The following THOC5 variants were observed in gnomAD, a reference collection of about 807,000 sequenced individuals.
THOC5 encodes Fms-interacting protein.
Under a neutral mutation model 92.9 loss-of-function variants are expected in THOC5, and 43 were observed. That is an observed-to-expected ratio of 0.46 (90% CI 0.36 to 0.60). The LOEUF is 0.60. Among genes scored for constraint, THOC5 ranks in the 20% least tolerant of loss-of-function variants. The probability of loss-of-function intolerance (pLI) is 0.00; values close to 1 mark genes in which losing one functional copy is unlikely to be tolerated. For synonymous variants in THOC5, 296 were observed against 320.1 expected, an observed-to-expected ratio of 0.92 and a Z score of 0.80; for missense variants, 659 against 849.4, an observed-to-expected ratio of 0.78 and a Z score of 2.79.
chr22:29,552,050 G>A (rs1170118254), intron 1 of THOC5, among the ~76,000 whole-genome samples: 1 of 152,190 alleles, frequency 6.6e-6, no homozygotes, highest in Non-Finnish European at 1.5e-5. Context: ...GCCTCCCGAG[G>A]TGCCAGGATT....
At chr22:29,539,577 G>A (rs763178498) in intron 5 of THOC5, 101 bp from the exon 6 acceptor site, 12 of 1,273,516 alleles carry the variant, frequency 9.4e-6, no homozygotes, top group Non-Finnish European at 1.3e-5. Flanking sequence ...CTTAGTCCTG[G>A]TCTACAGGAT....
chr22:29,543,047 T>C (rs2063932322), intron 4 of THOC5, 91 bp from the exon 5 acceptor site: 7 of 926,190 alleles, frequency 7.6e-6, no homozygotes, highest in South Asian at 1.5e-5. Flanking sequence ...GTAAAGGGAA[T>C]AAAGAAGGGG....
At chr22:29,519,566 T>C (rs972321984) in intron 14 of THOC5, among the ~76,000 whole-genome samples, 10 of 151,706 alleles carry the variant, frequency 6.6e-5, no homozygotes, top group Admixed American at 2.6e-4. Context: ...CCTGAGTGGA[T>C]AGAAGACAGG....
At chr22:29,532,143 C>G (rs909102017) in intron 7 of THOC5, among the ~76,000 whole-genome samples, 180 bp from the exon 8 acceptor site, 2 of 152,108 alleles carry the variant, frequency 1.3e-5, no homozygotes, top group Non-Finnish European at 2.9e-5. Context: ...TAGCAACAAA[C>G]AGTAAGGAAA....
chr22:29,536,869 G>A (rs1480635677), intron 6 of THOC5, 131 bp from the exon 7 acceptor site: 2 of 649,568 alleles, frequency 3.1e-6, no homozygotes, highest in African/African-American at 1.8e-5. Flanking sequence ...CACTCAATGT[G>A]TGCCAGGTAC....
chr22:29,536,855 C>T, intron 6 of THOC5, 117 bp from the exon 7 acceptor site: 2 of 686,344 alleles, frequency 2.9e-6, no homozygotes, highest in Non-Finnish European at 2.7e-6. Context: ...CAATGTTTAT[C>T]CAGCACTCAA....
chr22:29,552,641 C>T (rs1479061606), intron 1 of THOC5, among the ~76,000 whole-genome samples: 1 of 150,522 alleles, frequency 6.6e-6, no homozygotes, highest in Admixed American at 6.6e-5. Context: ...CTCCGCCTGG[C>T]CGCCACCCCG....
chr22:29,510,331 T>G (rs2063200330), intron 19 of THOC5, among the ~76,000 whole-genome samples: 1 of 152,204 alleles, frequency 6.6e-6, no homozygotes, highest in African/African-American at 2.4e-5. Flanking sequence ...GCACAATGGC[T>G]CATGCCTGTA....
At position 29,507,336 on chromosome 22, in the gene THOC5, T is replaced by C. The variant is rs1332038922; in HGVS notation, c.*1121A>G. 6.6e-6 allele frequency: 1 copy of C among 152,182 alleles called. No individual in the cohort carries two copies. Among genetic ancestry groups the C allele is most frequent in the Non-Finnish European group, 1.5e-5 (1 of 68,048 alleles). The allele number at this position is 152,182 out of a possible 1,614,324, so 9.4% of individuals were successfully genotyped here. A position where few individuals can be genotyped will look rare whatever the true frequency, so the allele number is the denominator to read the frequency against. On this transcript the variant is annotated 3_prime_UTR_variant, in exon 20 of 20. Transcript: ENST00000490103. ...ATGGTGATCCACTTCTACTTAATAG[T>C]AGATATATATTTTCTTCCTTATGGC...
chr22:29,531,214 G>C, intron 8 of THOC5: 7 of 1,056,450 alleles, frequency 6.6e-6, no homozygotes, highest in Non-Finnish European at 8.1e-6. Context: ...GGTGGGAGGA[G>C]AAGCAAGCAC....
At chr22:29,511,940 C>G (rs1196409243) in intron 18 of THOC5, 81 bp downstream of exon 18, 1 of 1,176,878 alleles carries the variant, frequency 8.5e-7, no homozygotes. Flanking sequence ...TGCCCAAGTC[C>G]TCAGCTGCAG....
intron 6 of THOC5, among the ~76,000 whole-genome samples, chr22:29,537,822 T>C (rs2063790719): frequency 1.3e-5 from 2 of 149,268 alleles, no homozygotes; most frequent in South Asian, 4.3e-4. Flanking sequence ...ACCAGGGAGG[T>C]GGAGGTTGCA....
intron 7 of THOC5, among the ~76,000 whole-genome samples, chr22:29,533,564 T>C (rs1382880444): frequency 6.6e-6 from 1 of 152,034 alleles, no homozygotes; most frequent in African/African-American, 2.4e-5. Flanking sequence ...AAAGAATAAT[T>C]AGTAAAATTA....
chr22:29,544,809 C>A (rs2063980157), intron 2 of THOC5, among the ~76,000 whole-genome samples: 1 of 152,134 alleles, frequency 6.6e-6, no homozygotes, highest in South Asian at 2.1e-4. Context: ...CAGAGTAATG[C>A]ATGCCTGGTA....
chr22:29,541,934 A>G (rs916905672), intron 5 of THOC5, among the ~76,000 whole-genome samples: 5 of 139,356 alleles, frequency 3.6e-5, no homozygotes, highest in Admixed American at 7.4e-5. Flanking sequence ...CCTGGACCCA[A>G]TGTCTAATAG....
At chr22:29,508,606 GAA>G (rs1192741272) in intron 19 of THOC5, 86 bp from the exon 20 acceptor site, 1 of 1,212,118 alleles carries the variant, frequency 8.3e-7, no homozygotes, top group Non-Finnish European at 1.2e-6. Flanking sequence ...AAGGGAAAAA[GAA>G]GAGGCAGAGT....
chr22:29,552,131 G>C (rs1256961655), intron 1 of THOC5, among the ~76,000 whole-genome samples: 2 of 152,088 alleles, frequency 1.3e-5, no homozygotes, highest in Non-Finnish European at 2.9e-5. Context: ...ATCTCGGCTC[G>C]CTACAACCTC....
chr22:29,544,542 TCA>T lies in THOC5; in HGVS notation c.156_157del (p.Tyr52Ter). The T allele has an allele frequency of 6.2e-7, 1 of 1,614,018 alleles. No individual in the cohort carries two copies. Among genetic ancestry groups the T allele is most frequent in the Non-Finnish European group, 8.5e-7 (1 of 1,179,976 alleles). Reference sequence around the variant, plus strand: ...CTCCTGGCAGGTGTACTTGTATAACTCATAGTCTCTGCCAGGGTCCCGCAGAT... The same window carrying T: ...CTCCTGGCAGGTGTACTTGTATAACTTAGTCTCTGCCAGGGTCCCGCAGAT... On this transcript the variant is annotated stop_gained and frameshift_variant, in exon 3 of 20. Coordinates refer to ENST00000490103, the MANE Select transcript of THOC5 (RefSeq NM_003678.5). LOFTEE classifies it high-confidence loss of function.
At chr22:29,510,507 AG>A (rs888262353) in intron 19 of THOC5, among the ~76,000 whole-genome samples, 2 of 152,162 alleles carry the variant, frequency 1.3e-5, no homozygotes, top group African/African-American at 2.4e-5. Flanking sequence ...CTGAGGCGGA[AG>A]GATCGTTTGA....
Sources: allele counts gnomAD v4.1 joint callset (sites outside exome capture counted in the v4.1 genomes callset), GRCh38; gene constraint gnomAD v4.1.1; transcripts MANE v1.5; gene names NCBI Gene and HGNC (gene_info 2026-07-23, HGNC 2026-07-21).